Variants in ATP2A2 observed in about 807,000 individuals in gnomAD.
The protein encoded by ATP2A2 is ATPase sarcoplasmic/endoplasmic reticulum Ca2+ transporting 2.
In ATP2A2, 14 loss-of-function variants were observed where a neutral mutation model predicts 109.3. The ratio of observed to expected loss-of-function variants is 0.13; its 90% CI spans 0.08 to 0.20. The LOEUF is 0.20. Ranked by LOEUF, ATP2A2 falls within the 10% of genes least tolerant of loss-of-function variation. ATP2A2 has a pLI of 1.00. For synonymous variants in ATP2A2, 506 were observed against 490.9 expected (o/e 1.03, Z -0.41); for missense variants, 657 against 1,321.6 (o/e 0.50, Z 7.80).
In ATP2A2 at chr12:110,344,766, C is replaced by T. The variant is rs779111764; in HGVS notation, c.2522-120C>T. On this transcript the variant is annotated intron_variant, in intron 16 of 19. Transcript: ENST00000539276. ...CAGGTGGTGGTAGCACCACAGGCCCCGGTTACCATCACTGTCCCATGTCTT... is the reference window on the plus strand; with the variant it reads ...CAGGTGGTGGTAGCACCACAGGCCCTGGTTACCATCACTGTCCCATGTCTT... 359 of 971,710 alleles carry T rather than the reference C, an allele frequency of 3.7e-4. 1 individual carries two copies. The highest frequency in any genetic ancestry group is 5.2e-4 in the Non-Finnish European group (315 of 609,820). The allele number at this position is 971,710 out of a possible 1,614,324, so 60.2% of individuals were successfully genotyped here.
intron 8 of ATP2A2, chr12:110,332,302 G>T: frequency 2.4e-6 from 1 of 414,236 alleles, no homozygotes. Flanking sequence ...TTTTGTGTGG[G>T]TTGTTGTGTC....
chr12:110,282,560 C>T (rs767396858), intron 1 of ATP2A2, 44 bp from the exon 2 acceptor site: 5 of 1,599,860 alleles, frequency 3.1e-6, no homozygotes, highest in Admixed American at 1.7e-5. Flanking sequence ...TTTTTTTTAA[C>T]CTCCCTCTTG....
In ATP2A2 at chr12:110,317,882, A is replaced by G. The variant is rs187998815; in HGVS notation, c.464-5110A>G. Reference sequence around the variant, plus strand: ...AAATCTTTATTGTAATAGCAAATTAAAGAGCTGTGGATTTTCAAGAGCTGA... The same window carrying G: ...AAATCTTTATTGTAATAGCAAATTAGAGAGCTGTGGATTTTCAAGAGCTGA... On this transcript the variant is annotated intron_variant, in intron 5 of 19. Transcript: ENST00000539276. Among the ~76,000 whole-genome samples, 81 of 152,342 alleles carry G rather than the reference A, an allele frequency of 5.3e-4. 1 individual carries two copies. The East Asian group carries it at 0.015, about 29-fold the overall frequency.
rs989728589 is a variant in ATP2A2 at position 110,349,614 on chromosome 12, C to G, written c.*3144C>G. ...CATCCCCTCGGACTGGAGCTTCAGC[C>G]CTGACTGAGGTGGGCAGACCTAAGA... On this transcript the variant is annotated 3_prime_UTR_variant, in exon 20 of 20. Coordinates refer to ENST00000539276, the MANE Select transcript of ATP2A2 (RefSeq NM_170665.4). 1.0e-6 allele frequency: 1 copy of G among 986,434 alleles called. No homozygotes were observed. The highest frequency in any genetic ancestry group is 6.1e-5 in the Admixed American group (1 of 16,514). The allele number at this position is 986,434 out of a possible 1,614,324, so 61.1% of individuals were successfully genotyped here. A position where few individuals can be genotyped will look rare whatever the true frequency, so the allele number is the denominator to read the frequency against.
chr12:110,312,563 G>T (rs1592826357), intron 5 of ATP2A2, among the ~76,000 whole-genome samples: 2 of 152,124 alleles, frequency 1.3e-5, no homozygotes, highest in East Asian at 1.9e-4. Flanking sequence ...GAAAACTGAA[G>T]TACAGGCCGG....
rs1313132544 is a variant in ATP2A2, at chr12:110,342,392, C to T, written c.2262C>T (p.Asn754=). ...TTGAGGAGGGGCGGGCAATCTACAA[C>T]AACATGAAACAGTTCATCCGCTACC... The part of the protein sequence containing the change: ...AAVEEGRAIY[N]NMKQFIRYLI... The change falls in exon 15 of 20, where the codon AAC becomes AAT. Residue 754 remains asparagine, a synonymous_variant. Transcript: ENST00000539276. The surrounding 1 kb of genome is among the most constrained non-coding windows in gnomAD (Gnocchi z 4.6). The T allele has an allele frequency of 1.2e-6, 2 of 1,614,046 alleles. No homozygotes were observed. The highest frequency in any genetic ancestry group is 1.7e-6 in the Non-Finnish European group (2 of 1,180,056).
At chr12:110,321,793 C>A (rs1380038696) in intron 5 of ATP2A2, among the ~76,000 whole-genome samples, 1 of 152,120 alleles carries the variant, frequency 6.6e-6, no homozygotes, top group Non-Finnish European at 1.5e-5. Context: ...GAGGGCTGGG[C>A]ACTATTCTCA....
At chr12:110,319,075 G>C (rs1592835041) in intron 5 of ATP2A2, among the ~76,000 whole-genome samples, 1 of 151,978 alleles carries the variant, frequency 6.6e-6, no homozygotes, top group Non-Finnish European at 1.5e-5. Flanking sequence ...CTGGTGCAAT[G>C]GCACATGCCC....
chr12:110,324,877 C>T (rs777334777), intron 6 of ATP2A2, among the ~76,000 whole-genome samples: 7 of 149,334 alleles, frequency 4.7e-5, no homozygotes, highest in Non-Finnish European at 8.9e-5. Context: ...GGCCCAGTGG[C>T]GCGATCTCAG....
intron 10 of ATP2A2, 25 bp downstream of exon 10, chr12:110,333,308 G>C: frequency 6.4e-7 from 1 of 1,574,304 alleles, no homozygotes; most frequent in Non-Finnish European, 8.7e-7. Flanking sequence ...AAATTAGAAG[G>C]AATGGCTGTT....
At chr12:110,285,372 C>T (rs1872558039) in intron 3 of ATP2A2, among the ~76,000 whole-genome samples, 1 of 152,142 alleles carries the variant, frequency 6.6e-6, no homozygotes, top group Non-Finnish European at 1.5e-5. Context: ...TTTATCTTTT[C>T]ATTCTCTTCT....
chr12:110,296,852 T>A, intron 5 of ATP2A2, 115 bp downstream of exon 5: 1 of 1,193,480 alleles, frequency 8.4e-7, no homozygotes, highest in Non-Finnish European at 1.2e-6. Flanking sequence ...AATTAACACA[T>A]TTTATTGCCA....
intron 14 of ATP2A2, among the ~76,000 whole-genome samples, chr12:110,341,336 C>T (rs1317068994): frequency 6.6e-6 from 1 of 151,994 alleles, no homozygotes; most frequent in South Asian, 2.1e-4. Flanking sequence ...CTTTTAAGTT[C>T]TTTAAGAGCT....
Position 110,326,494 on chromosome 12 carries a change from G to T in ATP2A2, c.630+19G>T. The stretch of plus-strand genomic sequence containing the variant: ...GTTTTCTGTAAGTACTTTATGAAAT[G>T]TGTTTTTATTTACAGACATTTCCAA... On this transcript the variant is annotated intron_variant, in intron 7 of 19. Transcript: ENST00000539276. 3 of 1,591,476 alleles carry T rather than the reference G, an allele frequency of 1.9e-6. No homozygotes were observed. The highest frequency in any genetic ancestry group is 2.6e-6 in the Non-Finnish European group (3 of 1,161,340).
At chr12:110,300,322 G>A (rs985874952) in intron 5 of ATP2A2, among the ~76,000 whole-genome samples, 22 of 145,722 alleles carry the variant, frequency 1.5e-4, no homozygotes, top group Non-Finnish European at 2.8e-4. Context: ...TGAGTAGCTG[G>A]TAATACAGGC....
At chr12:110,301,312 C>G (rs565499050) in intron 5 of ATP2A2, among the ~76,000 whole-genome samples, 1 of 152,310 alleles carries the variant, frequency 6.6e-6, no homozygotes, top group South Asian at 2.1e-4. Context: ...AAGCACCATC[C>G]TTTTTGAAGA....
At chr12:110,346,159 C>T in intron 19 of ATP2A2, 41 bp downstream of exon 19, 1 of 1,614,180 alleles carries the variant, frequency 6.2e-7, no homozygotes, top group South Asian at 1.1e-5. Flanking sequence ...CACCTCCTTC[C>T]AGGGGAGGCT....
intron 11 of ATP2A2, among the ~76,000 whole-genome samples, chr12:110,336,341 G>GGC (rs1878841124): frequency 6.6e-6 from 1 of 152,146 alleles, no homozygotes; most frequent in African/African-American, 2.4e-5. Flanking sequence ...GCTGTATAAA[G>GGC]GCAAGCCTCA....
In ATP2A2 at chr12:110,350,072, C is replaced by G. The variant is rs117740426; in HGVS notation, c.*3602C>G. 1 of 1,438,450 alleles carries G rather than the reference C, an allele frequency of 7.0e-7. No homozygotes were observed. The highest frequency in any genetic ancestry group is 9.1e-7 in the Non-Finnish European group (1 of 1,101,434). 89.1% of individuals were successfully genotyped at this position (1,438,450 alleles called of 1,614,324 possible). ...GCCTTTATTCTGTAGCCAGACGACA[C>G]GAGGAGTCTGTGTCACTGAGCCAGT... is the stretch of plus-strand genomic sequence containing the variant. On this transcript the variant is annotated 3_prime_UTR_variant, in exon 20 of 20. Transcript: ENST00000539276.
Sources: gnomAD v4.1 joint callset for allele counts (sites outside exome capture counted in the v4.1 genomes callset) on GRCh38, gnomAD v4.1.1 for gene constraint, Gnocchi (gnomAD v3.1) non-coding constraint, MANE v1.5 for transcripts, NCBI Gene and HGNC (gene_info 2026-07-23, HGNC 2026-07-21) for gene names.